The following WDR89 variants were observed in gnomAD, a reference collection of about 807,000 sequenced individuals.
The protein encoded by WDR89 is WD repeat domain 89.
Under a neutral mutation model 29.1 loss-of-function variants are expected in WDR89, and 17 were observed. The observed-to-expected ratio is 0.58, with a 90% confidence interval of 0.40 to 0.88. WDR89 has a LOEUF of 0.88. WDR89 is among the 40% of genes least tolerant of loss of function. WDR89 has a pLI of 0.00. For missense variants in WDR89, 396 were observed against 456.3 expected, an observed-to-expected ratio of 0.87 and a Z score of 1.20; for synonymous variants, 138 against 157.8, an observed-to-expected ratio of 0.87 and a Z score of 0.94.
chr14:63,605,209 CAT>C (rs1490699951), intron 2 of WDR89, among the ~76,000 whole-genome samples: 3 of 90,710 alleles, frequency 3.3e-5, no homozygotes, highest in East Asian at 7.1e-4. Context: ...TATACATACA[CAT>C]ACACACACAC....
At chr14:63,615,054 G>A (rs1189439350) in intron 2 of WDR89, among the ~76,000 whole-genome samples, 2 of 152,208 alleles carry the variant, frequency 1.3e-5, no homozygotes, top group African/African-American at 2.4e-5. Flanking sequence ...GGGGAGGACT[G>A]GGAGGAAATG....
chr14:63,602,114 T>C (rs553199094), intron 2 of WDR89, among the ~76,000 whole-genome samples: 1 of 152,298 alleles, frequency 6.6e-6, no homozygotes, highest in East Asian at 1.9e-4. Flanking sequence ...TCAAGAACTG[T>C]TAGGAGGATT....
At chr14:63,608,243 CTT>C (rs1421899761) in intron 2 of WDR89, among the ~76,000 whole-genome samples, 1 of 151,930 alleles carries the variant, frequency 6.6e-6, no homozygotes, top group Non-Finnish European at 1.5e-5. Context: ...CAAAAAACAA[CTT>C]AATATAGAAT....
chr14:63,600,512 T>C (rs1253632567), intron 2 of WDR89, among the ~76,000 whole-genome samples: 1 of 150,046 alleles, frequency 6.7e-6, no homozygotes, highest in Non-Finnish European at 1.5e-5. Flanking sequence ...AAAAAAAAAA[T>C]GCTGAATTTA....
chr14:63,600,902 C>T (rs1895035869), intron 2 of WDR89, among the ~76,000 whole-genome samples: 2 of 152,064 alleles, frequency 1.3e-5, no homozygotes, highest in African/African-American at 2.4e-5. Flanking sequence ...CCTAGATTAT[C>T]TGTTATCACC....
intron 1 of WDR89, among the ~76,000 whole-genome samples, chr14:63,638,915 G>C (rs1015638519): frequency 1.3e-5 from 2 of 152,116 alleles, no homozygotes; most frequent in Non-Finnish European, 2.9e-5. Context: ...TATGACAAAA[G>C]GGACTTTACA....
chr14:63,640,211 G>A (rs61984055), intron 1 of WDR89, among the ~76,000 whole-genome samples: 3,072 of 152,300 alleles, frequency 0.02, 48 homozygotes, highest in South Asian at 0.032. Flanking sequence ...CTCGGCCATA[G>A]GTTGCAGTGC....
At chr14:63,609,886 G>A (rs866312747) in intron 2 of WDR89, among the ~76,000 whole-genome samples, 101 of 152,026 alleles carry the variant, frequency 6.6e-4, no homozygotes, top group African/African-American at 2.3e-3. Context: ...ACTGCCCAAG[G>A]TTCTCAGTGA....
rs1406449012 is a variant in WDR89 at position 63,597,890 on chromosome 14, C to G, written c.*889G>C. The G allele has an allele frequency of 6.6e-6, 1 of 152,102 alleles. No homozygotes were observed. The highest frequency in any genetic ancestry group is 2.4e-5 in the African/African-American group (1 of 41,410). 9.4% of individuals were successfully genotyped at this position (152,102 alleles called of 1,614,324 possible). On this transcript the variant is annotated 3_prime_UTR_variant, in exon 3 of 3. Transcript: ENST00000620954. ...GGATGAACTGAAGCAGATTAGAGAT[C>G]GAGCTGGTAATCCAGATGAGAAATA...
intron 2 of WDR89, among the ~76,000 whole-genome samples, chr14:63,611,712 T>A (rs1029698447): frequency 6.6e-5 from 10 of 151,550 alleles, no homozygotes; most frequent in Non-Finnish European, 8.8e-5. Context: ...CAAAAAAAAA[T>A]TTTTTTTAAA....
At chr14:63,611,692 T>C (rs1324958558) in intron 2 of WDR89, among the ~76,000 whole-genome samples, 2 of 141,498 alleles carry the variant, frequency 1.4e-5, no homozygotes, top group Non-Finnish European at 3.1e-5. Context: ...AAACCTAACA[T>C]TATCCCCCCC....
intron 2 of WDR89, among the ~76,000 whole-genome samples, chr14:63,606,066 G>A (rs2139501696): frequency 6.6e-6 from 1 of 151,960 alleles, no homozygotes; most frequent in South Asian, 2.1e-4. Context: ...CGCCATCATG[G>A]CTCACTGCAG....
intron 1 of WDR89, among the ~76,000 whole-genome samples, chr14:63,627,029 G>A (rs1409236278): frequency 3.9e-5 from 6 of 152,028 alleles, no homozygotes; most frequent in Non-Finnish European, 5.9e-5. Flanking sequence ...ACTGAGGTCA[G>A]AGGATCACTT....
At chr14:63,629,458 T>C (rs961016455) in intron 1 of WDR89, among the ~76,000 whole-genome samples, 19 of 152,228 alleles carry the variant, frequency 1.2e-4, no homozygotes, top group African/African-American at 4.3e-4. Flanking sequence ...CCATGAATGA[T>C]AGCAAAGTCT....
chr14:63,634,943 C>T (rs1305679020), intron 1 of WDR89, among the ~76,000 whole-genome samples: 2 of 150,350 alleles, frequency 1.3e-5, no homozygotes, highest in Non-Finnish European at 2.9e-5. Flanking sequence ...AAGGCTGAGG[C>T]AGGAGAATCG....
In WDR89 at chr14:63,599,868, G is replaced by GT. The variant is rs775556998; in HGVS notation, c.74dup (p.Tyr25Ter). 3.1e-6 allele frequency: 5 copies of GT among 1,613,896 alleles called. No homozygotes were observed. Among genetic ancestry groups the GT allele is most frequent in the East Asian group, 4.5e-5 (2 of 44,880 alleles). ...TCTTTGATGTGTCTATACCAAGAAG[G>GT]TAAGTGGGCTCTTTGGTTCCTAAGG... ...KCSLGTKEPT[Y>*]LLGIDTSKTV... Residue 25 changes from tyrosine (Y) to a stop codon, truncating the protein, a stop_gained and frameshift_variant, in exon 3 of 3, where the codon TAC becomes TAAC. Transcript: ENST00000620954. LOFTEE classifies it high-confidence loss of function.
chr14:63,634,207 C>A (rs1399777265), intron 1 of WDR89, among the ~76,000 whole-genome samples: 1 of 151,928 alleles, frequency 6.6e-6, no homozygotes, highest in Non-Finnish European at 1.5e-5. Flanking sequence ...GCCAACATGG[C>A]GAAACCCTGT....
At chr14:63,603,857 G>C (rs146063432) in intron 2 of WDR89, among the ~76,000 whole-genome samples, 83 of 152,316 alleles carry the variant, frequency 5.4e-4, no homozygotes, top group South Asian at 4.8e-3. Flanking sequence ...CACAGCTGCT[G>C]AGGTAGCTAG....
At chr14:63,636,052 CA>C in intron 1 of WDR89, among the ~76,000 whole-genome samples, 1 of 151,926 alleles carries the variant, frequency 6.6e-6, no homozygotes, top group East Asian at 1.9e-4. Context: ...ATCAAAAATA[CA>C]AAAAAATCAG....
Sources: allele counts gnomAD v4.1 joint callset (sites outside exome capture counted in the v4.1 genomes callset), GRCh38; gene constraint gnomAD v4.1.1; transcripts MANE v1.5; gene names NCBI Gene and HGNC (gene_info 2026-07-23, HGNC 2026-07-21).